The following COG5 variants were observed in gnomAD, a reference collection of about 807,000 sequenced individuals.
COG5 encodes the protein component of oligomeric golgi complex 5.
In COG5, 86 loss-of-function variants were observed where a neutral mutation model predicts 110.4. That is an observed-to-expected ratio of 0.78 (90% CI 0.65 to 0.93). The LOEUF (loss-of-function observed/expected upper bound fraction) is 0.93, where lower values mean the gene tolerates loss of function less well. COG5 is among the 40% of genes least tolerant of loss of function. The probability of loss-of-function intolerance (pLI) is 0.00; values close to 1 mark genes in which losing one functional copy is unlikely to be tolerated. For synonymous variants in COG5, 360 were observed against 334.6 expected (o/e 1.08, Z -0.83); for missense variants, 1,077 against 987.0 (o/e 1.09, Z -1.22).
intron 6 of COG5, among the ~76,000 whole-genome samples, chr7:107,485,545 A>C (rs1243782700): frequency 1.3e-5 from 2 of 152,198 alleles, no homozygotes; most frequent in African/African-American, 4.8e-5. Flanking sequence ...GTTTCTAAAA[A>C]CTTAGTGAAT....
intron 6 of COG5, among the ~76,000 whole-genome samples, chr7:107,414,703 CTTTTTTTTTTTTTTTTTTTTTTTT>C (rs530323655): frequency 0.2 from 12,291 of 61,818 alleles, 1,792 homozygotes; most frequent in African/African-American, 0.41. Flanking sequence ...CTCACTGTCC[CTTTTTTTTTTTTTTTTTTTTTTTT>C]TTTTTTTTTT....
chr7:107,342,393 A>T (rs1811241990), intron 10 of COG5, among the ~76,000 whole-genome samples: 1 of 148,280 alleles, frequency 6.7e-6, no homozygotes, highest in Non-Finnish European at 1.5e-5. Flanking sequence ...AAAACACACC[A>T]CAGGCTGGGT....
At chr7:107,332,814 T>C (rs778873930) in intron 10 of COG5, among the ~76,000 whole-genome samples, 1 of 152,034 alleles carries the variant, frequency 6.6e-6, no homozygotes, top group Non-Finnish European at 1.5e-5. Flanking sequence ...TCTGTTGTTT[T>C]AAAAAAATAT....
intron 5 of COG5, among the ~76,000 whole-genome samples, chr7:107,538,220 A>C (rs1801729601): frequency 6.6e-6 from 1 of 152,224 alleles, no homozygotes; most frequent in Non-Finnish European, 1.5e-5. Flanking sequence ...ATTCATCTGC[A>C]TAATAAAAGA....
At chr7:107,336,014 A>G (rs1456630438) in intron 10 of COG5, among the ~76,000 whole-genome samples, 2 of 152,208 alleles carry the variant, frequency 1.3e-5, no homozygotes, top group Admixed American at 1.3e-4. Flanking sequence ...TAGCAACACA[A>G]TAATAGTAGA....
intron 6 of COG5, among the ~76,000 whole-genome samples, chr7:107,466,198 A>G (rs1250509689): frequency 3.9e-5 from 6 of 152,170 alleles, no homozygotes; most frequent in Admixed American, 3.9e-4. Flanking sequence ...TAAGCAGTCA[A>G]AACAGTAAAC....
intron 15 of COG5, 33 bp from the exon 16 acceptor site, chr7:107,256,827 G>T (rs770891382): frequency 6.6e-7 from 1 of 1,505,872 alleles, no homozygotes; most frequent in East Asian, 2.3e-5. Context: ...TTATAGTTTC[G>T]CTTAAGTCTA....
intron 6 of COG5, chr7:107,473,074 T>A (rs1288026346): frequency 6.6e-6 from 1 of 151,878 alleles, no homozygotes; most frequent in African/African-American, 2.4e-5. Flanking sequence ...TACAAAAGGC[T>A]TCACAGGTAA....
intron 10 of COG5, among the ~76,000 whole-genome samples, chr7:107,354,830 T>A (rs1052203208): frequency 6.6e-6 from 1 of 152,216 alleles, no homozygotes; most frequent in Admixed American, 6.5e-5. Flanking sequence ...TATTTGAGAT[T>A]ACATGACCTA....
chr7:107,524,997 G>A (rs1229842697), intron 6 of COG5, among the ~76,000 whole-genome samples: 2 of 151,936 alleles, frequency 1.3e-5, no homozygotes, highest in African/African-American at 4.8e-5. Context: ...TGCAGATCTC[G>A]GCTCACTGCA....
intron 11 of COG5, among the ~76,000 whole-genome samples, chr7:107,323,425 G>A (rs1038486666): frequency 6.6e-6 from 1 of 152,146 alleles, no homozygotes; most frequent in African/African-American, 2.4e-5. Context: ...CAGCTACTAG[G>A]GAGGCTGAGG....
At chr7:107,397,357 G>T (rs1391433704) in intron 7 of COG5, among the ~76,000 whole-genome samples, 4 of 152,174 alleles carry the variant, frequency 2.6e-5, no homozygotes, top group Non-Finnish European at 5.9e-5. Context: ...ATGGAAAAAA[G>T]AAAGGCCTGA....
chr7:107,248,436 C>T lies in COG5; in HGVS notation c.1813G>A (p.Glu605Lys). 1 of 1,611,832 alleles carries T rather than the reference C, an allele frequency of 6.2e-7. No individual in the cohort carries two copies. The highest frequency in any genetic ancestry group is 8.5e-7 in the Non-Finnish European group (1 of 1,179,160). Residue 605 changes from glutamate (E) to lysine (K), a missense_variant, in exon 17 of 22, where the codon GAG (glutamate) becomes AAG (lysine). Coordinates refer to ENST00000297135, the MANE Select transcript of COG5 (RefSeq NM_006348.5). ...PLLTSVGDAI[E>K]AIIITMHQED... is the part of the protein sequence containing the mutation. ...TGATGCATGGTGATGATTATGGCCT[C>T]TATAGCATCTCCCACAGAAGTGAGT... is the stretch of plus-strand genomic sequence containing the variant.
At chr7:107,494,470 CATA>C (rs1437811427) in intron 6 of COG5, among the ~76,000 whole-genome samples, 1 of 152,180 alleles carries the variant, frequency 6.6e-6, no homozygotes, top group Non-Finnish European at 1.5e-5. Context: ...GTGACCTTAG[CATA>C]ATATGTCACC....
At chr7:107,208,451 C>G (rs1413549607) in intron 21 of COG5, 15 of 985,144 alleles carry the variant, frequency 1.5e-5, no homozygotes, top group Admixed American at 6.2e-5. Flanking sequence ...CAAAAATGAC[C>G]AACTTGTTAA....
rs372151280 is a variant in COG5, at chr7:107,395,316, T to C, written c.669+17186A>G. ...AAGATAGGGAGGGAGAAGTAAAGGGTGGTGGGAAGTAGAAAGAAAGAAAGA... is the reference window on the plus strand; with the variant it reads ...AAGATAGGGAGGGAGAAGTAAAGGGCGGTGGGAAGTAGAAAGAAAGAAAGA... On this transcript the variant is annotated intron_variant, in intron 7 of 21. Transcript: ENST00000297135. 8.9e-4 allele frequency among the ~76,000 whole-genome samples: 134 copies of C among 151,356 alleles called. 1 individual carries two copies. The highest frequency in any genetic ancestry group is 2.5e-3 in the African/African-American group (101 of 41,166).
intron 6 of COG5, among the ~76,000 whole-genome samples, chr7:107,514,041 A>T (rs1437374617): frequency 6.7e-6 from 1 of 150,244 alleles, no homozygotes; most frequent in Non-Finnish European, 1.5e-5. Flanking sequence ...TAAAACTTAA[A>T]GTATAATAAT....
intron 1 of COG5, chr7:107,563,424 C>G (rs986295791): frequency 1.7e-5 from 6 of 360,508 alleles, no homozygotes; most frequent in African/African-American, 1.3e-4. Flanking sequence ...TGTTCTAGAG[C>G]TTACACTTTT....
At chr7:107,481,347 T>A (rs1797329167) in intron 6 of COG5, among the ~76,000 whole-genome samples, 1 of 152,092 alleles carries the variant, frequency 6.6e-6, no homozygotes, top group African/African-American at 2.4e-5. Context: ...ATAATACTCA[T>A]AAGATTTGAA....
Sources: allele counts gnomAD v4.1 joint callset (sites outside exome capture counted in the v4.1 genomes callset), GRCh38; gene constraint gnomAD v4.1.1; transcripts MANE v1.5; gene names NCBI Gene and HGNC (gene_info 2026-07-23, HGNC 2026-07-21).